Variants in DLG3 observed in about 807,000 individuals in gnomAD.
The protein encoded by DLG3 is disks large homolog 3.
In DLG3, 1 loss-of-function variant was observed where a neutral mutation model predicts 64.1. The observed-to-expected ratio is 0.02, with a 90% CI of 0.01 to 0.07. The LOEUF is 0.07. Among genes scored for constraint, DLG3 ranks in the 10% least tolerant of loss-of-function variants. The pLI is 1.00. For synonymous variants in DLG3, 245 were observed against 259.8 expected (o/e 0.94, Z 0.55); for missense variants, 429 against 669.5 (o/e 0.64, Z 3.96).
intron 10 of DLG3, among the ~76,000 whole-genome samples, chrX:70,481,581 T>C (rs1430489339): frequency 1.8e-5 from 2 of 112,273 alleles, no homozygotes; most frequent in African/African-American, 3.2e-5. Flanking sequence ...GAGTACTTGC[T>C]GCTGCTTCAA....
chrX:70,497,297 G>C, intron 13 of DLG3: 1 of 974,762 alleles, frequency 1.0e-6, no homozygotes, highest in South Asian at 1.9e-5. Flanking sequence ...GTGTTGCACA[G>C]CTGCCATTGC....
At chrX:70,449,198 G>T (rs2086594597) in intron 2 of DLG3, among the ~76,000 whole-genome samples, 161 bp from the exon 3 acceptor site, 1 of 111,623 alleles carries the variant, frequency 9.0e-6, no homozygotes, top group African/African-American at 3.3e-5. Flanking sequence ...TTCCCAAAAT[G>T]ATCAGCAGAG....
intron 9 of DLG3, among the ~76,000 whole-genome samples, chrX:70,464,455 T>G (rs1268879334): frequency 9.6e-6 from 1 of 104,581 alleles, no homozygotes; most frequent in Non-Finnish European, 2.0e-5. Context: ...GAGACTGGGT[T>G]TTGCCATGTT....
At chrX:70,492,940 AG>A (rs1173348708) in intron 12 of DLG3, among the ~76,000 whole-genome samples, 1 of 111,802 alleles carries the variant, frequency 8.9e-6, no homozygotes, top group African/African-American at 3.3e-5. Context: ...CCAGCTCCAG[AG>A]CTCCCACCTC....
Position 70,445,062 on chromosome X carries a change from C to A in DLG3, c.-140C>A, listed in dbSNP as rs2086550753. Reference sequence around the variant, plus strand: ...AGGCCCCGCTCAGCCCGGGCGCCCCCACGGGTGCCCCCCCCTTCTTGGTCC... The same window carrying A: ...AGGCCCCGCTCAGCCCGGGCGCCCCAACGGGTGCCCCCCCCTTCTTGGTCC... On this transcript the variant is annotated 5_prime_UTR_variant, in exon 1 of 19. Transcript: ENST00000374360. 3 of 444,041 alleles carry A rather than the reference C, an allele frequency of 6.8e-6. No homozygotes were observed. The highest frequency in any genetic ancestry group is 3.4e-6 in the Non-Finnish European group (1 of 293,690). 36.6% of individuals were successfully genotyped at this position (444,041 alleles called of 1,213,427 possible).
chrX:70,497,860 A>G (rs908304699), intron 13 of DLG3, among the ~76,000 whole-genome samples: 2 of 112,038 alleles, frequency 1.8e-5, no homozygotes, highest in Non-Finnish European at 3.8e-5. Flanking sequence ...TGGGACTGCC[A>G]TCAGCCACTT....
Position 70,482,410 on chromosome X carries a change from C to A in DLG3, c.1520+3146C>A, listed in dbSNP as rs187690648. 1.9e-4 allele frequency among the ~76,000 whole-genome samples: 21 copies of A among 111,748 alleles called. No homozygotes were observed. The East Asian group carries it at 5.9e-3, about 31-fold the overall frequency. Reference sequence around the variant, plus strand: ...TTCTCTTTAAATGGCTTTTAATATCCCTTTAATAATCCTACAGAGTAGATA... The same window carrying A: ...TTCTCTTTAAATGGCTTTTAATATCACTTTAATAATCCTACAGAGTAGATA... On this transcript the variant is annotated intron_variant, in intron 10 of 18. Coordinates refer to ENST00000374360, the MANE Select transcript of DLG3 (RefSeq NM_021120.4).
chrX:70,504,392 G>C lies in DLG3; in HGVS notation c.*2123G>C, dbSNP rs768162880. On this transcript the variant is annotated 3_prime_UTR_variant, in exon 19 of 19. Coordinates refer to ENST00000374360, the MANE Select transcript of DLG3 (RefSeq NM_021120.4). ...ACTGTGGCTCAGAGACCTTCTTAAA[G>C]TAGTTGAGAAGGGAGGGCGTGGGCA... 2 of 112,627 alleles carry C rather than the reference G, an allele frequency of 1.8e-5. No individual in the cohort carries two copies. The highest frequency in any genetic ancestry group is 6.5e-5 in the African/African-American group (2 of 30,881). The allele number at this position is 112,627 out of a possible 1,213,427, so 9.3% of individuals were successfully genotyped here.
At chrX:70,493,992 A>G (rs2087408344) in intron 12 of DLG3, among the ~76,000 whole-genome samples, 1 of 112,242 alleles carries the variant, frequency 8.9e-6, no homozygotes, top group Non-Finnish European at 1.9e-5. Flanking sequence ...GCACGTGCAT[A>G]AGCATACAGG....
chrX:70,452,235 A>T, intron 7 of DLG3: 2 of 1,078,136 alleles, frequency 1.9e-6, no homozygotes, highest in East Asian at 3.4e-5. Context: ...CTCTACCATC[A>T]GGGGGAGTGC....
Position 70,445,495 on chromosome X carries a change from C to A in DLG3, c.294C>A (p.Leu98=). Residue 98 remains leucine, a synonymous_variant, in exon 1 of 19, where the codon CTC becomes CTA. Coordinates refer to ENST00000374360, the MANE Select transcript of DLG3 (RefSeq NM_021120.4). ...KPVPGKSTPK[L]NGSGPSWWPE... The stretch of plus-strand genomic sequence containing the variant: ...TCCCGGGCAAGAGCACCCCCAAACT[C>A]AACGGCAGCGGCCCCAGCTGGTGGC... 8.4e-7 allele frequency: 1 copy of A among 1,197,423 alleles called. No homozygotes were observed. The highest frequency in any genetic ancestry group is 2.2e-5 in the Admixed American group (1 of 44,567).
In DLG3 at chrX:70,469,180, C is replaced by T. The variant is rs183353709; in HGVS notation, c.1406-9970C>T. 1.5e-4 allele frequency among the ~76,000 whole-genome samples: 16 copies of T among 110,194 alleles called. No homozygotes were observed. In the East Asian group the frequency reaches 4.6e-3, roughly 31 times the overall value. Reference sequence around the variant, plus strand: ...CGTACACCACCACGCCTGACTAATTCTCTTATTTTTTTTGCAAAGACAGGG... The same window carrying T: ...CGTACACCACCACGCCTGACTAATTTTCTTATTTTTTTTGCAAAGACAGGG... On this transcript the variant is annotated intron_variant, in intron 9 of 18. Coordinates refer to ENST00000374360, the MANE Select transcript of DLG3 (RefSeq NM_021120.4).
intron 7 of DLG3, chrX:70,452,671 G>A (rs1378556838): frequency 1.0e-5 from 12 of 1,202,079 alleles, no homozygotes; most frequent in Non-Finnish European, 1.3e-5. Flanking sequence ...ATGGGCTTGG[G>A]CTCCGCCTCC....
intron 10 of DLG3, among the ~76,000 whole-genome samples, chrX:70,487,558 T>C (rs900915812): frequency 1.8e-5 from 2 of 112,167 alleles, no homozygotes; most frequent in African/African-American, 6.5e-5. Context: ...ATCCTTAGTA[T>C]ACTACACCCT....
At chrX:70,467,056 G>A (rs945830896) in intron 9 of DLG3, among the ~76,000 whole-genome samples, 1 of 111,066 alleles carries the variant, frequency 9.0e-6, no homozygotes, top group Non-Finnish European at 1.9e-5. Context: ...AAGGACCACA[G>A]GCACATGCTA....
chrX:70,489,932 G>A (rs768566522), intron 10 of DLG3, among the ~76,000 whole-genome samples: 6 of 110,393 alleles, frequency 5.4e-5, no homozygotes, highest in East Asian at 2.9e-4. Context: ...GCGCAATCTC[G>A]GCTCACTGCA....
At position 70,448,927 on chromosome X, in the gene DLG3, T is replaced by C. The variant is rs1486832232; in HGVS notation, c.372T>C (p.Asp124=). The C allele has an allele frequency of 8.3e-7, 1 of 1,207,129 alleles. No homozygotes were observed. Residue 124 remains aspartate, a synonymous_variant, in exon 2 of 19, where the codon GAT becomes GAC. Transcript: ENST00000374360. ...RDWYEQVNGS[D]GMFKYEEIVL... ...TCTCCCCCTAGGTGAATGGCAGTGA[T>C]GGCATGTTCAAATATGAGGAAATCG...
At chrX:70,468,417 G>A (rs1330571552) in intron 9 of DLG3, among the ~76,000 whole-genome samples, 4 of 111,507 alleles carry the variant, frequency 3.6e-5, no homozygotes, top group African/African-American at 1.3e-4. Flanking sequence ...TCCTCACTAA[G>A]CTCTTTGGGG....
chrX:70,461,574 C>CTT (rs66468617), intron 9 of DLG3, among the ~76,000 whole-genome samples: 3 of 100,943 alleles, frequency 3.0e-5, no homozygotes, highest in Non-Finnish European at 2.0e-5. Flanking sequence ...AGGGCCCCCC[C>CTT]TTTTTTTTTT....
Sources: gnomAD v4.1 joint callset for allele counts (sites outside exome capture counted in the v4.1 genomes callset) on GRCh38, gnomAD v4.1.1 for gene constraint, MANE v1.5 for transcripts, NCBI Gene and HGNC (gene_info 2026-07-23, HGNC 2026-07-21) for gene names.